FSTL5: variants seen among roughly 807,000 people sequenced by gnomAD.
The protein encoded by FSTL5 is follistatin-related protein 5.
Under a neutral mutation model 89.1 loss-of-function variants are expected in FSTL5, and 62 were observed. That is an observed-to-expected ratio of 0.70 (90% confidence interval 0.57 to 0.86). FSTL5 has a LOEUF of 0.86. Among genes scored for constraint, FSTL5 ranks in the 40% least tolerant of loss-of-function variants. The pLI is 0.00. For missense variants in FSTL5, 1,057 were observed against 1,001.6 expected (o/e 1.06, Z -0.75); for synonymous variants, 383 against 346.2 (o/e 1.11, Z -1.18).
chr4:161,432,068 A>G (rs898329706), intron 15 of FSTL5, among the ~76,000 whole-genome samples: 17 of 152,184 alleles, frequency 1.1e-4, no homozygotes, highest in African/African-American at 4.1e-4. Flanking sequence ...CAGAAAGTCA[A>G]CAAAGATACA....
chr4:161,733,263 G>T, intron 6 of FSTL5, among the ~76,000 whole-genome samples: 1 of 151,608 alleles, frequency 6.6e-6, no homozygotes, highest in South Asian at 2.1e-4. Flanking sequence ...TTGTGCTCTT[G>T]TTTGTAATTT....
intron 13 of FSTL5, among the ~76,000 whole-genome samples, chr4:161,479,859 T>A (rs1729435908): frequency 6.6e-6 from 1 of 152,204 alleles, no homozygotes; most frequent in Non-Finnish European, 1.5e-5. Flanking sequence ...TTTTTCATGT[T>A]TGTATTTGTG....
At chr4:161,869,393 C>T (rs528073440) in intron 4 of FSTL5, among the ~76,000 whole-genome samples, 72 of 152,160 alleles carry the variant, frequency 4.7e-4, no homozygotes, top group Middle Eastern at 3.4e-3. Flanking sequence ...GTTGTGCGAT[C>T]ACAAATAAGG....
chr4:161,536,716 T>A (rs1221037335), intron 10 of FSTL5, among the ~76,000 whole-genome samples: 1 of 152,176 alleles, frequency 6.6e-6, no homozygotes, highest in African/African-American at 2.4e-5. Context: ...AAAGGTTGTA[T>A]GATTTGTTGA....
At chr4:161,745,838 T>C (rs1294114145) in intron 6 of FSTL5, among the ~76,000 whole-genome samples, 1 of 152,118 alleles carries the variant, frequency 6.6e-6, no homozygotes, top group Non-Finnish European at 1.5e-5. Context: ...TATAATAAAA[T>C]GAATTATGGT....
intron 2 of FSTL5, among the ~76,000 whole-genome samples, chr4:162,048,665 T>C (rs1738283037): frequency 1.3e-5 from 2 of 152,166 alleles, no homozygotes; most frequent in South Asian, 4.1e-4. Context: ...AGTATATTAT[T>C]ATTCCAGAGC....
intron 3 of FSTL5, among the ~76,000 whole-genome samples, chr4:161,953,459 G>A (rs1333649763): frequency 6.6e-6 from 1 of 151,522 alleles, no homozygotes; most frequent in Admixed American, 6.6e-5. Flanking sequence ...CTTGCTTTAT[G>A]CGCAAGATAT....
chr4:161,449,873 A>G (rs1015226722), intron 15 of FSTL5, among the ~76,000 whole-genome samples: 3 of 152,202 alleles, frequency 2.0e-5, no homozygotes, highest in Non-Finnish European at 2.9e-5. Flanking sequence ...AGGTGAAGAT[A>G]TCTTGCTGTT....
At chr4:161,806,788 A>G (rs1474368156) in intron 4 of FSTL5, among the ~76,000 whole-genome samples, 1 of 152,144 alleles carries the variant, frequency 6.6e-6, no homozygotes, top group Non-Finnish European at 1.5e-5. Flanking sequence ...GATAGATAAA[A>G]TCGGTGTATG....
chr4:161,774,981 A>G (rs1351580609), intron 5 of FSTL5, among the ~76,000 whole-genome samples: 3 of 152,192 alleles, frequency 2.0e-5, no homozygotes, highest in African/African-American at 7.2e-5. Context: ...AGTTTGAATG[A>G]TGATAACTAT....
chr4:161,624,727 A>T (rs1325629115), intron 7 of FSTL5, among the ~76,000 whole-genome samples: 1 of 152,100 alleles, frequency 6.6e-6, no homozygotes, highest in African/African-American at 2.4e-5. Context: ...ATCTAGAATG[A>T]GGAAGAACGA....
At chr4:161,985,754 T>C (rs1735946966) in intron 3 of FSTL5, among the ~76,000 whole-genome samples, 1 of 151,966 alleles carries the variant, frequency 6.6e-6, no homozygotes, top group East Asian at 1.9e-4. Context: ...AATTAAATAA[T>C]ATTAAAATTA....
chr4:162,019,479 T>C (rs1443538394), intron 3 of FSTL5, among the ~76,000 whole-genome samples: 2 of 151,962 alleles, frequency 1.3e-5, no homozygotes, highest in Admixed American at 6.6e-5. Flanking sequence ...ACATAGAACA[T>C]GGTGGAATGT....
rs181216696 is a variant in FSTL5, at chr4:161,772,729, A to C, written c.606+3149T>G. ...GCAAATGGAAACACATCTCATGCTCATGGATAGGTAAAATCAATTTTGTGA... is the reference window on the plus strand; with the variant it reads ...GCAAATGGAAACACATCTCATGCTCCTGGATAGGTAAAATCAATTTTGTGA... On this transcript the variant is annotated intron_variant, in intron 5 of 15. Transcript: ENST00000306100. Among the ~76,000 whole-genome samples the C allele has an allele frequency of 1.1e-4, 16 of 152,354 alleles. No individual in the cohort carries two copies. The East Asian group carries it at 2.9e-3, about 28-fold the overall frequency.
chr4:161,470,646 T>A (rs1169978517), intron 13 of FSTL5, among the ~76,000 whole-genome samples: 1 of 152,290 alleles, frequency 6.6e-6, no homozygotes, highest in East Asian at 1.9e-4. Flanking sequence ...TTAGGGATTT[T>A]GATAAGAATT....
chr4:161,550,831 G>A (rs1196821074), intron 8 of FSTL5, among the ~76,000 whole-genome samples: 2 of 151,842 alleles, frequency 1.3e-5, no homozygotes, highest in Non-Finnish European at 2.9e-5. Context: ...AGAATATGCG[G>A]TGTTTGGTTT....
At chr4:161,511,340 T>G (rs1402418312) in intron 10 of FSTL5, among the ~76,000 whole-genome samples, 1 of 152,146 alleles carries the variant, frequency 6.6e-6, no homozygotes, top group African/African-American at 2.4e-5. Flanking sequence ...GCCCAAGTCA[T>G]GCAGTTTTCA....
intron 9 of FSTL5, among the ~76,000 whole-genome samples, chr4:161,540,059 T>C (rs1179046536): frequency 6.6e-6 from 1 of 152,124 alleles, no homozygotes; most frequent in African/African-American, 2.4e-5. Context: ...TTTCCTTCTC[T>C]TCCTATGTAA....
intron 8 of FSTL5, among the ~76,000 whole-genome samples, chr4:161,572,608 G>T (rs993195436): frequency 9.2e-5 from 14 of 152,044 alleles, no homozygotes; most frequent in African/African-American, 3.1e-4. Context: ...TACTTACATA[G>T]ATACTATAGC....
Sources: gnomAD v4.1 joint callset for allele counts (sites outside exome capture counted in the v4.1 genomes callset) on GRCh38, gnomAD v4.1.1 for gene constraint, MANE v1.5 for transcripts, NCBI Gene and HGNC (gene_info 2026-07-23, HGNC 2026-07-21) for gene names.